The following SOX6 variants were observed in gnomAD, a reference collection of about 807,000 sequenced individuals.
SOX6 encodes the protein transcription factor SOX-6.
A neutral mutation model predicts 97.8 loss-of-function variants in SOX6; 11 were observed. That is an observed-to-expected ratio of 0.11 (90% CI 0.07 to 0.19). The LOEUF is 0.19. SOX6 is among the 10% of genes least tolerant of loss of function. SOX6 has a pLI of 1.00. For missense variants in SOX6, 810 were observed against 1,039.5 expected, an observed-to-expected ratio of 0.78 and a Z score of 3.04; for synonymous variants, 360 against 371.4, an observed-to-expected ratio of 0.97 and a Z score of 0.35.
chr11:16,731,295 A>T (rs566640145), intron 2 of SOX6, among the ~76,000 whole-genome samples: 2 of 152,332 alleles, frequency 1.3e-5, no homozygotes, highest in South Asian at 4.1e-4. Context: ...ACAACAAAAA[A>T]AAGAAATTTT....
intron 1 of SOX6, among the ~76,000 whole-genome samples, chr11:16,373,923 A>T (rs938491408): frequency 4.9e-5 from 7 of 142,756 alleles, no homozygotes; most frequent in African/African-American, 1.8e-4. Flanking sequence ...AGGGGAAGGG[A>T]GGGAGAAGGG....
intron 1 of SOX6, among the ~76,000 whole-genome samples, chr11:16,379,368 A>G (rs1382771539): frequency 6.6e-6 from 1 of 152,102 alleles, no homozygotes; most frequent in African/African-American, 2.4e-5. Flanking sequence ...TGGGAGGCTG[A>G]GGCAAGAGAA....
intron 3 of SOX6, among the ~76,000 whole-genome samples, chr11:16,285,589 TGTC>T (rs1364867983): frequency 2.6e-5 from 4 of 152,096 alleles, no homozygotes; most frequent in Non-Finnish European, 5.9e-5. Flanking sequence ...AAATTTTAAA[TGTC>T]AGGGTGTTTT....
chr11:16,737,243 G>C (rs975671103), intron 1 of SOX6, among the ~76,000 whole-genome samples: 4 of 152,124 alleles, frequency 2.6e-5, no homozygotes, highest in Admixed American at 6.5e-5. Context: ...GTCTCGTTCT[G>C]TCACCCAGGC....
chr11:16,727,054 T>C (rs1590066361), intron 2 of SOX6, among the ~76,000 whole-genome samples: 1 of 152,174 alleles, frequency 6.6e-6, no homozygotes, highest in Non-Finnish European at 1.5e-5. Context: ...TTTTAGTTAA[T>C]ATATTCAGAT....
intron 3 of SOX6, among the ~76,000 whole-genome samples, chr11:16,261,727 C>T (rs1230972972): frequency 6.6e-6 from 1 of 151,860 alleles, no homozygotes; most frequent in African/African-American, 2.4e-5. Flanking sequence ...TCATTTCTGT[C>T]AGAGTTAAGG....
At chr11:16,520,100 T>C (rs1008503090) in intron 4 of SOX6, among the ~76,000 whole-genome samples, 1 of 152,200 alleles carries the variant, frequency 6.6e-6, no homozygotes, top group African/African-American at 2.4e-5. Context: ...TGGATATGTT[T>C]TTTGTTAGAT....
At chr11:16,523,364 A>G (rs1861103518) in intron 4 of SOX6, among the ~76,000 whole-genome samples, 1 of 152,306 alleles carries the variant, frequency 6.6e-6, no homozygotes, top group Non-Finnish European at 1.5e-5. Flanking sequence ...AAACTGAACA[A>G]CCTGCTCCTG....
At chr11:16,181,954 C>T (rs1851358320) in intron 6 of SOX6, among the ~76,000 whole-genome samples, 1 of 151,744 alleles carries the variant, frequency 6.6e-6, no homozygotes, top group Non-Finnish European at 1.5e-5. Context: ...AGCAATCAAA[C>T]TTCTATTAGA....
At chr11:16,709,527 AG>A (rs1015565324) in intron 3 of SOX6, among the ~76,000 whole-genome samples, 4 of 152,008 alleles carry the variant, frequency 2.6e-5, no homozygotes, top group Admixed American at 1.3e-4. Flanking sequence ...CAAAAAAAAA[AG>A]AAGTGTGTGG....
chr11:16,168,691 C>T (rs1455899906), intron 6 of SOX6, among the ~76,000 whole-genome samples: 6 of 152,128 alleles, frequency 3.9e-5, no homozygotes, highest in African/African-American at 1.4e-4. Context: ...AAAGATACCA[C>T]CCCATATCCT....
intron 3 of SOX6, among the ~76,000 whole-genome samples, chr11:16,687,711 T>TAA: frequency 6.6e-6 from 1 of 152,330 alleles, no homozygotes; most frequent in East Asian, 1.9e-4. Context: ...ATTTATAATT[T>TAA]TTTAGAGTCC....
chr11:16,200,832 G>T (rs111941240), intron 4 of SOX6, among the ~76,000 whole-genome samples: 8,878 of 152,142 alleles, frequency 0.058, 646 homozygotes, highest in East Asian at 0.37. Context: ...CAGGCTGGGC[G>T]CGATGGCTCC....
chr11:16,510,668 G>A (rs1860867414), intron 4 of SOX6, among the ~76,000 whole-genome samples: 1 of 151,958 alleles, frequency 6.6e-6, no homozygotes, highest in Admixed American at 6.6e-5. Flanking sequence ...GTTAAATTAT[G>A]ATTATTAATA....
intron 3 of SOX6, among the ~76,000 whole-genome samples, chr11:16,251,167 A>G (rs922689858): frequency 6.6e-6 from 1 of 152,156 alleles, no homozygotes; most frequent in Non-Finnish European, 1.5e-5. Flanking sequence ...TTAAATTAGT[A>G]TATTACAAAA....
At chr11:16,067,040 T>C (rs922036710) in intron 9 of SOX6, among the ~76,000 whole-genome samples, 26 of 152,214 alleles carry the variant, frequency 1.7e-4, no homozygotes, top group African/African-American at 5.5e-4. Context: ...AGTTACCCAA[T>C]GCCTGTTACT....
chr11:16,033,012 A>G (rs1383344530), intron 12 of SOX6, among the ~76,000 whole-genome samples: 1 of 151,914 alleles, frequency 6.6e-6, no homozygotes, highest in African/African-American at 2.4e-5. Context: ...TGGCACACAG[A>G]CCCTCTATTG....
chr11:16,017,574 A>T (rs1156622428), intron 12 of SOX6, among the ~76,000 whole-genome samples: 1 of 152,080 alleles, frequency 6.6e-6, no homozygotes, highest in Non-Finnish European at 1.5e-5. Context: ...CATAACCATA[A>T]GATAAGAGGG....
intron 14 of SOX6, among the ~76,000 whole-genome samples, chr11:15,987,713 T>C (rs917093743): frequency 6.2e-5 from 8 of 128,550 alleles, no homozygotes; most frequent in Non-Finnish European, 1.2e-4. Context: ...TAGAATGTCA[T>C]TTAACTAGAA....
Sources: allele counts gnomAD v4.1 joint callset (sites outside exome capture counted in the v4.1 genomes callset), GRCh38; gene constraint gnomAD v4.1.1; transcripts MANE v1.5; gene names NCBI Gene and HGNC (gene_info 2026-07-23, HGNC 2026-07-21).